Variants in DNAH10 observed in about 807,000 individuals in gnomAD.
DNAH10 encodes the protein axonemal beta dynein heavy chain 10.
DNAH10 carries 348 observed loss-of-function variants against 506.6 expected under a neutral mutation model. The ratio of observed to expected loss-of-function variants is 0.69; its 90% CI spans 0.63 to 0.75. DNAH10 has a LOEUF of 0.75. Ranked by LOEUF, DNAH10 falls within the 30% of genes least tolerant of loss-of-function variation. The pLI is 0.00. For missense variants in DNAH10, 5,179 were observed against 5,787.1 expected, an observed-to-expected ratio of 0.89 and a Z score of 3.41; for synonymous variants, 2,059 against 2,198.6, an observed-to-expected ratio of 0.94 and a Z score of 1.78.
intron 24 of DNAH10, among the ~76,000 whole-genome samples, chr12:123,822,291 C>A (rs1366435127): frequency 3.3e-5 from 5 of 152,156 alleles, no homozygotes; most frequent in African/African-American, 1.2e-4. Flanking sequence ...TCATGCTATT[C>A]ATTCATTTAT....
intron 5 of DNAH10, among the ~76,000 whole-genome samples, chr12:123,775,901 G>A (rs1263564729): frequency 6.6e-6 from 1 of 152,190 alleles, no homozygotes; most frequent in Non-Finnish European, 1.5e-5. Context: ...CTGCATGGCT[G>A]TGGAGGCCTC....
At position 123,854,432 on chromosome 12, in the gene DNAH10, T is replaced by A. The variant is rs149409176; in HGVS notation, c.6438+1080T>A. Among the ~76,000 whole-genome samples, 134 of 152,298 alleles carry A rather than the reference T, an allele frequency of 8.8e-4. 1 individual carries two copies. Among genetic ancestry groups the A allele is most frequent in the African/African-American group, 3.1e-3 (129 of 41,558 alleles). On this transcript the variant is annotated intron_variant, in intron 36 of 78. Coordinates refer to ENST00000673944, the MANE Select transcript of DNAH10 (RefSeq NM_001372106.1). ...TCTCCTCCTAGGGCGGTGAATATGG[T>A]CCCATCACTGCACTCACTACTGGCT...
rs1327437910 is a variant in DNAH10, at chr12:123,850,985, A to G, written c.6200A>G (p.Lys2067Arg). The G allele has an allele frequency of 6.2e-7, 1 of 1,614,110 alleles. No homozygotes were observed. Among genetic ancestry groups the G allele is most frequent in the Admixed American group, 1.7e-5 (1 of 60,022 alleles). Residue 2067 changes from lysine to arginine, a missense_variant, in exon 35 of 79, where the codon AAG (lysine) becomes AGG (arginine). This residue lies in a region of DNAH10 where 4,844 missense variants were observed against 5,430.5 expected (regional missense o/e 0.89). Transcript: ENST00000673944. The surrounding 1 kb of genome is among the most constrained non-coding windows in gnomAD (Gnocchi z 5.5). ...AGRTELPESV[K>R]ALFRPVVVIV... is the part of the protein sequence containing the mutation. ...CGCACGGAGCTGCCCGAGTCGGTGA[A>G]GGCGCTGTTCAGGCCTGTGGTCGTG...
chr12:123,848,414 G>A (rs536900701), intron 33 of DNAH10, among the ~76,000 whole-genome samples: 4 of 152,130 alleles, frequency 2.6e-5, no homozygotes, highest in Admixed American at 6.5e-5. Context: ...GAGGGTGCCC[G>A]TCCAGCTTTG....
rs2137800928 is a variant in DNAH10 at position 123,935,398 on chromosome 12, G to GT, written c.13692dup (p.Glu4565Ter). 6.2e-7 allele frequency: 1 copy of GT among 1,611,956 alleles called. No homozygotes were observed. Among genetic ancestry groups the GT allele is most frequent in the Non-Finnish European group, 8.5e-7 (1 of 1,178,116 alleles). On this transcript the variant is annotated frameshift_variant, in exon 79 of 79. Transcript: ENST00000673944. LOFTEE classifies it high-confidence loss of function. ...AAGGAACGCCATGGGAGTCGGCTTG[G>GT]TTTTTGAAGCTGATCTCTTTACCAC...
rs2137655892 is a variant in DNAH10, at chr12:123,926,873, T to TAGCTC, written c.12105+53_12105+54insAGCTC. The TAGCTC allele has an allele frequency of 6.3e-7, 1 of 1,591,196 alleles. No homozygotes were observed. The highest frequency in any genetic ancestry group is 2.2e-5 in the East Asian group (1 of 44,592). Reference sequence around the variant, plus strand: ...CTACGTTTAGGGGAGGTCCCTGGTGTCTGCTAAGAAGGAGCTAACCTGGGT... The same window carrying TAGCTC: ...CTACGTTTAGGGGAGGTCCCTGGTGTAGCTCCTGCTAAGAAGGAGCTAACCTGGGT... On this transcript the variant is annotated intron_variant, in intron 69 of 78. Transcript: ENST00000673944. The surrounding 1 kb of genome is among the most constrained non-coding windows in gnomAD (Gnocchi z 4.1).
chr12:123,852,709 G>A (rs922492395), intron 35 of DNAH10, among the ~76,000 whole-genome samples: 11 of 152,138 alleles, frequency 7.2e-5, no homozygotes, highest in African/African-American at 2.7e-4. Context: ...AAGTAGCTGG[G>A]ATTATAGGCA....
At chr12:123,905,094 A>T (rs1237131002) in intron 57 of DNAH10, among the ~76,000 whole-genome samples, 1 of 152,156 alleles carries the variant, frequency 6.6e-6, no homozygotes. Context: ...CTTCTTTTAT[A>T]TACAAATTAT....
intron 51 of DNAH10, among the ~76,000 whole-genome samples, chr12:123,883,433 C>G (rs1952596800): frequency 6.6e-6 from 1 of 152,214 alleles, no homozygotes; most frequent in Non-Finnish European, 1.5e-5. Flanking sequence ...GGAGCAGACA[C>G]TATGCATTGA....
At chr12:123,933,200 T>C (rs1955300194) in intron 76 of DNAH10, 131 bp from the exon 77 acceptor site, 6 of 798,178 alleles carry the variant, frequency 7.5e-6, no homozygotes, top group Non-Finnish European at 1.1e-5. Context: ...AGGCGGCCAG[T>C]TGTGCCAACG....
intron 50 of DNAH10, among the ~76,000 whole-genome samples, chr12:123,880,655 T>C (rs1353338066): frequency 1.9e-5 from 1 of 51,388 alleles, no homozygotes; most frequent in Non-Finnish European, 4.9e-5. Flanking sequence ...TTAAATTCTC[T>C]TTTTTTTTTT....
chr12:123,892,511 G>A (rs1285748502), intron 52 of DNAH10, among the ~76,000 whole-genome samples: 2 of 152,142 alleles, frequency 1.3e-5, no homozygotes, highest in Admixed American at 6.5e-5. Flanking sequence ...GATTTGGTGC[G>A]GACGCAGATC....
chr12:123,930,384 C>A lies in DNAH10; in HGVS notation c.12613-18C>A. On this transcript the variant is annotated intron_variant, in intron 72 of 78. Transcript: ENST00000673944. ...AGGTTCTGAGCTCCTGGCTGGCTCTCAGGCCCTCTAATTTCAGGTCATGTA... is the reference window on the plus strand; with the variant it reads ...AGGTTCTGAGCTCCTGGCTGGCTCTAAGGCCCTCTAATTTCAGGTCATGTA... The A allele has an allele frequency of 6.6e-7, 1 of 1,526,668 alleles. No homozygotes were observed. The highest frequency in any genetic ancestry group is 8.8e-7 in the Non-Finnish European group (1 of 1,142,532). The allele number at this position is 1,526,668 out of a possible 1,614,324, so 94.6% of individuals were successfully genotyped here. A position where few individuals can be genotyped will look rare whatever the true frequency, so the allele number is the denominator to read the frequency against.
rs756145370 is a variant in DNAH10, at chr12:123,894,643, G to A, written c.9200G>A (p.Gly3067Asp). The A allele has an allele frequency of 6.2e-7, 1 of 1,613,806 alleles. No individual in the cohort carries two copies. Among genetic ancestry groups the A allele is most frequent in the South Asian group, 1.1e-5 (1 of 91,072 alleles). Reference protein sequence around the residue: ...TLRTWCRNFPGMVNNTGIDWF... With the variant: ...TLRTWCRNFPDMVNNTGIDWF... The stretch of plus-strand genomic sequence containing the variant: ...TTTTTAATCTCTCTTTCCTTTCAAG[G>A]TATGGTAAATAACACTGGTATTGAC... Residue 3067 changes from glycine to aspartate, a missense_variant and splice_region_variant, in exon 54 of 79, where the codon GGT (glycine) becomes GAT (aspartate). This residue lies in a region of DNAH10 where 4,844 missense variants were observed against 5,430.5 expected (regional missense o/e 0.89). Coordinates refer to ENST00000673944, the MANE Select transcript of DNAH10 (RefSeq NM_001372106.1).
At position 123,864,712 on chromosome 12, in the gene DNAH10, C is replaced by G; in HGVS notation, c.7026C>G (p.His2342Gln). ...ANGERIRLQA[H>Q]CALLFEVGDL... Reference sequence around the variant, plus strand: ...GGGAACGCATCCGGCTCCAAGCACACTGTGCCCTGCTCTTTGAGGCAAGTA... The same window carrying G: ...GGGAACGCATCCGGCTCCAAGCACAGTGTGCCCTGCTCTTTGAGGCAAGTA... Residue 2342 changes from histidine (H) to glutamine (Q), a missense_variant, in exon 40 of 79, where the codon CAC (histidine) becomes CAG (glutamine). Transcript: ENST00000673944. 1.2e-6 allele frequency: 2 copies of G among 1,613,674 alleles called. No homozygotes were observed. Among genetic ancestry groups the G allele is most frequent in the African/African-American group, 1.3e-5 (1 of 75,038 alleles).
At chr12:123,827,827 C>T (rs1960146874) in intron 25 of DNAH10, among the ~76,000 whole-genome samples, 1 of 152,188 alleles carries the variant, frequency 6.6e-6, no homozygotes, top group Non-Finnish European at 1.5e-5. Context: ...GCAGGCAGCC[C>T]TCAGGCCCTG....
chr12:123,775,566 G>C (rs1301064464), intron 5 of DNAH10, among the ~76,000 whole-genome samples: 1 of 152,222 alleles, frequency 6.6e-6, no homozygotes, highest in Non-Finnish European at 1.5e-5. Context: ...TGTGGAGGAA[G>C]AGCATGCTGG....
Position 123,819,255 on chromosome 12 carries a change from G to A in DNAH10, c.4000+5G>A. ...TTGGTGATGATCTTGATAAAGGTAA[G>A]AATGTTCCTGTTGGTCTTACTGAGC... On this transcript the variant is annotated splice_donor_5th_base_variant and intron_variant, in intron 23 of 78. Transcript: ENST00000673944. 2 of 1,608,050 alleles carry A rather than the reference G, an allele frequency of 1.2e-6. No individual in the cohort carries two copies. Among genetic ancestry groups the A allele is most frequent in the East Asian group, 4.5e-5 (2 of 44,802 alleles).
Position 123,897,877 on chromosome 12 carries a change from A to G in DNAH10, c.9388A>G (p.Arg3130Gly). 1 of 1,611,302 alleles carries G rather than the reference A, an allele frequency of 6.2e-7. No individual in the cohort carries two copies. The highest frequency in any genetic ancestry group is 8.5e-7 in the Non-Finnish European group (1 of 1,179,228). ...CAGCCAACAGTTTCTACAGAAATTG[A>G]GGCGCAGCAACTATGTCACTCCCAA... Reference protein sequence around the residue: ...HYSQQFLQKLRRSNYVTPKNY... With the variant: ...HYSQQFLQKLGRSNYVTPKNY... The change falls in exon 55 of 79, where the codon AGG (arginine) becomes GGG (glycine). Residue 3130 changes from arginine (R) to glycine (G), a missense_variant. Coordinates refer to ENST00000673944, the MANE Select transcript of DNAH10 (RefSeq NM_001372106.1).
Sources: gnomAD v4.1 joint callset for allele counts (sites outside exome capture counted in the v4.1 genomes callset) on GRCh38, gnomAD v4.1.1 for gene constraint, gnomAD v4.1.1 regional missense constraint, Gnocchi (gnomAD v3.1) non-coding constraint, MANE v1.5 for transcripts, NCBI Gene and HGNC (gene_info 2026-07-23, HGNC 2026-07-21) for gene names.